KSR2: variants seen among roughly 807,000 people sequenced by gnomAD.
KSR2 encodes the protein kinase suppressor of ras 2.
A neutral mutation model predicts 107.8 loss-of-function variants in KSR2; 25 were observed. The observed-to-expected ratio is 0.23, with a 90% CI of 0.17 to 0.32. KSR2 has a LOEUF of 0.32. Among genes scored for constraint, KSR2 ranks in the 10% least tolerant of loss-of-function variants. The pLI, the probability that KSR2 is intolerant of heterozygous loss-of-function variation, is 1.00. For missense variants in KSR2, 887 were observed against 1,268.9 expected, an observed-to-expected ratio of 0.70 and a Z score of 4.57; for synonymous variants, 480 against 507.0, an observed-to-expected ratio of 0.95 and a Z score of 0.71.
In KSR2 at chr12:117,579,117, A is replaced by C. The variant is rs1282726468; in HGVS notation, c.1325+2T>G. ...AAGTCACTGCAGGGCACAGTCACTT[A>C]CTTGCAGTTTTTACACTTGAGGCCA... On this transcript the variant is annotated splice_donor_variant, in intron 7 of 19. Coordinates refer to ENST00000339824, the MANE Select transcript of KSR2 (RefSeq NM_173598.6). LOFTEE classifies it high-confidence loss of function. 1 of 1,611,386 alleles carries C rather than the reference A, an allele frequency of 6.2e-7. No individual in the cohort carries two copies. The highest frequency in any genetic ancestry group is 8.5e-7 in the Non-Finnish European group (1 of 1,178,236).
chr12:117,769,077 C>T (rs1333797119), intron 3 of KSR2, among the ~76,000 whole-genome samples: 1 of 152,204 alleles, frequency 6.6e-6, no homozygotes, highest in Non-Finnish European at 1.5e-5. Flanking sequence ...TCTGAATTTC[C>T]TGCAGGACAC....
At chr12:117,505,172 G>A (rs1445037018) in intron 14 of KSR2, among the ~76,000 whole-genome samples, 1 of 152,072 alleles carries the variant, frequency 6.6e-6, no homozygotes, top group Non-Finnish European at 1.5e-5. Context: ...ACTTAGGTTG[G>A]TTCCGTGTCT....
At chr12:117,506,000 C>T (rs559924926) in intron 14 of KSR2, among the ~76,000 whole-genome samples, 2 of 152,344 alleles carry the variant, frequency 1.3e-5, no homozygotes, top group Non-Finnish European at 2.9e-5. Context: ...GGCTGAGAGG[C>T]TACTGAGGAC....
At chr12:117,469,515 C>G in intron 19 of KSR2, 147 bp downstream of exon 19, 1 of 908,802 alleles carries the variant, frequency 1.1e-6, no homozygotes, top group South Asian at 1.7e-5. Flanking sequence ...TGAACAGAAA[C>G]CTAGTAGGGA....
At chr12:117,566,891 G>A (rs1028974817) in intron 7 of KSR2, among the ~76,000 whole-genome samples, 1 of 152,100 alleles carries the variant, frequency 6.6e-6, no homozygotes, top group African/African-American at 2.4e-5. Flanking sequence ...CGCCCAAATT[G>A]CCTCTTATAA....
At chr12:117,928,490 C>A (rs1278646245) in intron 1 of KSR2, among the ~76,000 whole-genome samples, 1 of 152,108 alleles carries the variant, frequency 6.6e-6, no homozygotes, top group African/African-American at 2.4e-5. Context: ...GGCCTTCATT[C>A]CTTTGTAAGG....
At chr12:117,848,459 G>A (rs1198461076) in intron 3 of KSR2, among the ~76,000 whole-genome samples, 2 of 152,224 alleles carry the variant, frequency 1.3e-5, no homozygotes, top group South Asian at 2.1e-4. Flanking sequence ...GGAAAACTAG[G>A]GCTGTGCCCA....
At chr12:117,953,921 C>T (rs1036201573) in intron 1 of KSR2, among the ~76,000 whole-genome samples, 1 of 151,936 alleles carries the variant, frequency 6.6e-6, no homozygotes, top group African/African-American at 2.4e-5. Flanking sequence ...AAGACCCAGC[C>T]TCTACAAAAA....
At chr12:117,600,702 T>C (rs1880891549) in intron 5 of KSR2, among the ~76,000 whole-genome samples, 1 of 152,242 alleles carries the variant, frequency 6.6e-6, no homozygotes, top group Non-Finnish European at 1.5e-5. Flanking sequence ...CTCTAAAGGC[T>C]GAAAGGTGTT....
chr12:117,530,853 G>A (rs1439981136), intron 12 of KSR2, 88 bp downstream of exon 12: 2 of 1,145,248 alleles, frequency 1.7e-6, no homozygotes, highest in East Asian at 2.4e-5. Flanking sequence ...TCCAGGAAGA[G>A]AAGGAAAGAA....
At chr12:117,501,273 T>C (rs958325364) in intron 14 of KSR2, among the ~76,000 whole-genome samples, 2 of 152,108 alleles carry the variant, frequency 1.3e-5, no homozygotes. Context: ...AGTTAAGGAG[T>C]TGTAACAAAG....
chr12:117,574,463 T>C lies in KSR2; in HGVS notation c.1325+4656A>G, dbSNP rs183589781. 1.3e-4 allele frequency among the ~76,000 whole-genome samples: 20 copies of C among 152,234 alleles called. No homozygotes were observed. In the East Asian group the frequency reaches 1.4e-3, roughly 10 times the overall value. On this transcript the variant is annotated intron_variant, in intron 7 of 19. Coordinates refer to ENST00000339824, the MANE Select transcript of KSR2 (RefSeq NM_173598.6). ...GTTCCATGTGGCTGGGGAGGCCTCATAATCATGGTGGAAACCCAAAGGCCG... is the reference window on the plus strand; with the variant it reads ...GTTCCATGTGGCTGGGGAGGCCTCACAATCATGGTGGAAACCCAAAGGCCG...
At chr12:117,586,164 A>T (rs183270762) in intron 5 of KSR2, among the ~76,000 whole-genome samples, 11 of 152,320 alleles carry the variant, frequency 7.2e-5, no homozygotes, top group African/African-American at 2.6e-4. Flanking sequence ...TGACCTGGTG[A>T]ATTTGAAAGC....
intron 14 of KSR2, among the ~76,000 whole-genome samples, chr12:117,520,156 A>G (rs1874655067): frequency 6.6e-6 from 1 of 152,148 alleles, no homozygotes; most frequent in Non-Finnish European, 1.5e-5. Context: ...TAGTATTTAG[A>G]TATACATTTG....
chr12:117,845,426 T>C (rs1892664233), intron 3 of KSR2, among the ~76,000 whole-genome samples: 1 of 152,196 alleles, frequency 6.6e-6, no homozygotes, highest in Non-Finnish European at 1.5e-5. Context: ...TGCTTTCTTG[T>C]CATTCAAGTC....
chr12:117,854,597 C>T (rs924319153), intron 3 of KSR2, among the ~76,000 whole-genome samples: 8 of 152,178 alleles, frequency 5.3e-5, no homozygotes, highest in Non-Finnish European at 8.8e-5. Context: ...ACAGTGACAC[C>T]TTGTGGTGGG....
chr12:117,878,312 G>A (rs529531903), intron 1 of KSR2, among the ~76,000 whole-genome samples: 1 of 151,966 alleles, frequency 6.6e-6, no homozygotes, highest in Admixed American at 6.6e-5. Context: ...CCCTCCCACT[G>A]GTCACCACCC....
intron 14 of KSR2, among the ~76,000 whole-genome samples, chr12:117,523,288 G>A (rs1207626822): frequency 6.6e-6 from 1 of 152,184 alleles, no homozygotes; most frequent in East Asian, 1.9e-4. Flanking sequence ...TCTGGGCCTG[G>A]TAAGATGCAA....
rs1871335194 is a variant in KSR2 at position 117,469,909 on chromosome 12, T to C, written c.2713-114A>G. 4 of 980,772 alleles carry C rather than the reference T, an allele frequency of 4.1e-6. No homozygotes were observed. In the South Asian group the frequency reaches 6.1e-5, roughly 15 times the overall value. The allele number at this position is 980,772 out of a possible 1,614,324, so 60.8% of individuals were successfully genotyped here. On this transcript the variant is annotated intron_variant, in intron 18 of 19. Transcript: ENST00000339824. ...CTCATCTGCCCCATTTCCATATTCCTCCATCATCCATTCATCCATCCATCC... is the reference window on the plus strand; with the variant it reads ...CTCATCTGCCCCATTTCCATATTCCCCCATCATCCATTCATCCATCCATCC...
Sources: allele counts gnomAD v4.1 joint callset (sites outside exome capture counted in the v4.1 genomes callset), GRCh38; gene constraint gnomAD v4.1.1; transcripts MANE v1.5; gene names NCBI Gene and HGNC (gene_info 2026-07-23, HGNC 2026-07-21).